Variants in CHODL observed in about 807,000 individuals in gnomAD.
The protein encoded by CHODL is transmembrane protein MT75.
Under a neutral mutation model 34.5 loss-of-function variants are expected in CHODL, and 29 were observed. The observed-to-expected ratio is 0.84, with a 90% CI of 0.63 to 1.15. The LOEUF (loss-of-function observed/expected upper bound fraction) is 1.15, where lower values mean the gene tolerates loss of function less well. CHODL is among the 50% of genes most tolerant of loss of function. CHODL has a pLI of 0.00. For missense variants in CHODL, 332 were observed against 332.5 expected, an observed-to-expected ratio of 1.00 and a Z score of 0.01; for synonymous variants, 125 against 116.1, an observed-to-expected ratio of 1.08 and a Z score of -0.49.
intron 2 of CHODL, among the ~76,000 whole-genome samples, chr21:18,068,025 C>CT (rs1357975866): frequency 6.6e-6 from 1 of 151,960 alleles, no homozygotes; most frequent in Non-Finnish European, 1.5e-5. Flanking sequence ...CATCTAAATA[C>CT]TTTTTTTCTC....
chr21:18,210,659 A>G (rs1021482235), intron 2 of CHODL, among the ~76,000 whole-genome samples: 3 of 152,194 alleles, frequency 2.0e-5, no homozygotes, highest in Admixed American at 1.3e-4. Context: ...AAAAACATCT[A>G]GAAATTTATT....
intron 1 of CHODL, among the ~76,000 whole-genome samples, chr21:17,927,152 A>ATATATG (rs1555837435): frequency 4.7e-4 from 27 of 57,842 alleles, no homozygotes; most frequent in African/African-American, 1.4e-3. Flanking sequence ...GTATATATGT[A>ATATATG]TATATATGTA....
chr21:18,178,965 T>C (rs1464987670), intron 2 of CHODL, among the ~76,000 whole-genome samples: 1 of 152,212 alleles, frequency 6.6e-6, no homozygotes, highest in African/African-American at 2.4e-5. Context: ...ATGGAGCCAA[T>C]AGAGTAATGT....
At chr21:18,164,690 T>TCCAGTCATTTCCTC (rs1555877977) in intron 2 of CHODL, among the ~76,000 whole-genome samples, 1 of 151,782 alleles carries the variant, frequency 6.6e-6, no homozygotes, top group Non-Finnish European at 1.5e-5. Context: ...CATTTCCTCA[T>TCCAGTCATTTCCTC]CTAGTCATTT....
chr21:18,209,267 T>C (rs1249515424), intron 2 of CHODL, among the ~76,000 whole-genome samples: 2 of 152,152 alleles, frequency 1.3e-5, no homozygotes, highest in African/African-American at 4.8e-5. Flanking sequence ...ATTCTTCCCT[T>C]TTCTACAAGG....
chr21:18,257,309 C>T (rs886651278), intron 3 of CHODL, among the ~76,000 whole-genome samples, 182 bp downstream of exon 3: 1 of 152,016 alleles, frequency 6.6e-6, no homozygotes, highest in South Asian at 2.1e-4. Flanking sequence ...GCAAACTGTC[C>T]AATGAGCTCA....
intron 2 of CHODL, among the ~76,000 whole-genome samples, chr21:18,218,233 G>C (rs1473842350): frequency 6.6e-6 from 1 of 152,234 alleles, no homozygotes; most frequent in Non-Finnish European, 1.5e-5. Flanking sequence ...GTTCTGCCCT[G>C]CAGCAGACTT....
chr21:17,936,826 G>A (rs375790041), intron 1 of CHODL, among the ~76,000 whole-genome samples: 6 of 152,054 alleles, frequency 3.9e-5, no homozygotes, highest in South Asian at 2.1e-4. Flanking sequence ...CTTTAATCTC[G>A]GCAACGTGGG....
chr21:18,027,236 T>A (rs911922381), intron 1 of CHODL, among the ~76,000 whole-genome samples: 2 of 152,146 alleles, frequency 1.3e-5, no homozygotes, highest in African/African-American at 4.8e-5. Context: ...ATGGTGCCAC[T>A]GTACGCCAGC....
chr21:18,258,835 A>C (rs949942964), intron 3 of CHODL, among the ~76,000 whole-genome samples: 1 of 151,848 alleles, frequency 6.6e-6, no homozygotes, highest in African/African-American at 2.4e-5. Context: ...TTAGTAAAGG[A>C]TGTTGGTTTG....
intron 2 of CHODL, among the ~76,000 whole-genome samples, chr21:18,041,650 G>C (rs1023781767): frequency 2.6e-5 from 4 of 151,810 alleles, no homozygotes; most frequent in African/African-American, 9.7e-5. Context: ...ATTTAACTGA[G>C]AACTATAAGT....
At chr21:17,954,729 C>T (rs1192400934) in intron 1 of CHODL, among the ~76,000 whole-genome samples, 1 of 133,920 alleles carries the variant, frequency 7.5e-6, no homozygotes, top group East Asian at 2.2e-4. Flanking sequence ...CCTGAATCTC[C>T]AGCTTGCAGA....
chr21:17,957,776 C>A (rs1201055664), intron 1 of CHODL, among the ~76,000 whole-genome samples: 1 of 151,284 alleles, frequency 6.6e-6, no homozygotes, highest in Non-Finnish European at 1.5e-5. Context: ...CAAATTAGTT[C>A]TCAAATCTAA....
intron 2 of CHODL, among the ~76,000 whole-genome samples, chr21:18,149,449 T>TG (rs72228016): frequency 2.0e-5 from 3 of 152,070 alleles, no homozygotes; most frequent in Non-Finnish European, 2.9e-5. Context: ...ACAAGAAATT[T>TG]GGGGGGGTTC....
At chr21:18,175,658 G>A (rs2073299240) in intron 2 of CHODL, among the ~76,000 whole-genome samples, 1 of 151,870 alleles carries the variant, frequency 6.6e-6, no homozygotes, top group South Asian at 2.1e-4. Context: ...AAAGGAGACA[G>A]ATGAAAAAGT....
chr21:18,167,978 A>T (rs746722860), intron 2 of CHODL, among the ~76,000 whole-genome samples: 7 of 152,180 alleles, frequency 4.6e-5, no homozygotes, highest in Non-Finnish European at 1.0e-4. Context: ...GGATAAAAGC[A>T]GGCAGAGGAA....
At chr21:18,224,374 T>G (rs2146744608) in intron 2 of CHODL, among the ~76,000 whole-genome samples, 1 of 152,286 alleles carries the variant, frequency 6.6e-6, no homozygotes, top group Non-Finnish European at 1.5e-5. Flanking sequence ...TCTTTAAAAT[T>G]TGAATAATAA....
intron 1 of CHODL, among the ~76,000 whole-genome samples, chr21:17,995,319 T>A (rs532786448): frequency 5.6e-4 from 86 of 152,300 alleles, no homozygotes; most frequent in African/African-American, 2.0e-3. Flanking sequence ...CATGGGGCTC[T>A]CCTGTGGCTA....
intron 2 of CHODL, among the ~76,000 whole-genome samples, chr21:18,028,644 A>T (rs1337318376): frequency 6.6e-6 from 1 of 150,396 alleles, no homozygotes; most frequent in Non-Finnish European, 1.5e-5. Context: ...GGTTGCAATG[A>T]ACCAAGATCC....
Sources: gnomAD v4.1 joint callset for allele counts (sites outside exome capture counted in the v4.1 genomes callset) on GRCh38, gnomAD v4.1.1 for gene constraint, MANE v1.5 for transcripts, NCBI Gene and HGNC (gene_info 2026-07-23, HGNC 2026-07-21) for gene names.